Variants in ARID3B observed in about 807,000 individuals in gnomAD.
The protein encoded by ARID3B is AT-rich interaction domain 3B.
ARID3B carries 10 observed loss-of-function variants against 51.9 expected under a neutral mutation model. That is an observed-to-expected ratio of 0.19 (90% CI 0.12 to 0.33). ARID3B has a LOEUF of 0.33. Ranked by LOEUF, ARID3B falls within the 10% of genes least tolerant of loss-of-function variation. The pLI, the probability that ARID3B is intolerant of heterozygous loss-of-function variation, is 1.00. For synonymous variants in ARID3B, 205 were observed against 279.5 expected, an observed-to-expected ratio of 0.73 and a Z score of 2.66; for missense variants, 483 against 716.3, an observed-to-expected ratio of 0.67 and a Z score of 3.72.
In ARID3B at chr15:74,577,702, T is replaced by G. The variant is rs182777226; in HGVS notation, c.697+4498T>G. ...ACACTCAGCTAATTTTTCTGTTTTT[T>G]TGTGTGTGTGTGTGTGGAGACGAGG... On this transcript the variant is annotated intron_variant, in intron 4 of 8. Transcript: ENST00000346246. Among the ~76,000 whole-genome samples the G allele has an allele frequency of 8.9e-3, 1,353 of 151,564 alleles. 11 individuals are homozygous for G. The highest frequency in any genetic ancestry group is 0.012 in the Non-Finnish European group (808 of 67,858).
At chr15:74,584,652 T>C (rs751456470) in intron 4 of ARID3B, among the ~76,000 whole-genome samples, 4 of 152,016 alleles carry the variant, frequency 2.6e-5, no homozygotes, top group Admixed American at 6.5e-5. Flanking sequence ...CATCTTTGTC[T>C]CCAAAGCCAG....
intron 4 of ARID3B, among the ~76,000 whole-genome samples, chr15:74,578,997 G>C (rs2061748881): frequency 2.0e-5 from 3 of 152,230 alleles, no homozygotes; most frequent in Admixed American, 1.3e-4. Flanking sequence ...AGACACCCAG[G>C]TGGGCTGTGA....
chr15:74,568,006 G>T (rs2061705894), intron 2 of ARID3B, among the ~76,000 whole-genome samples: 1 of 152,194 alleles, frequency 6.6e-6, no homozygotes, highest in African/African-American at 2.4e-5. Context: ...CCATTCAGAG[G>T]TGTAGCCCTC....
intron 2 of ARID3B, among the ~76,000 whole-genome samples, chr15:74,544,689 CTTTTTTT>C (rs398057829): frequency 7.3e-6 from 1 of 136,640 alleles, no homozygotes; most frequent in Non-Finnish European, 1.6e-5. Flanking sequence ...ATATGTTACT[CTTTTTTT>C]TTTTTTTTTT....
chr15:74,588,629 A>G (rs2061790350), intron 4 of ARID3B, among the ~76,000 whole-genome samples: 1 of 152,148 alleles, frequency 6.6e-6, no homozygotes, highest in Non-Finnish European at 1.5e-5. Flanking sequence ...CCTCCAGATC[A>G]TTAATCCCGA....
rs1311096942 is a variant in ARID3B, at chr15:74,595,653, G to T, written c.1562G>T (p.Gly521Val). 4 of 1,613,452 alleles carry T rather than the reference G, an allele frequency of 2.5e-6. No homozygotes were observed. In the South Asian group the frequency reaches 4.4e-5, roughly 18 times the overall value. ...AAGCCTGTGGTCCACCTCATCACGG[G>T]GTCTGCTCCCCAGAGCCTCGGCAGC... ...AQKPVVHLIT[G>V]SAPQSLGSSA... Residue 521 changes from glycine to valine, a missense_variant, in exon 9 of 9, where the codon GGG (glycine) becomes GTG (valine). By Grantham distance (109) the Gly-to-Val change is moderately radical. Around this residue, in one of 3 missense-constraint regions of ARID3B, gnomAD observed 265 missense variants for 354.4 expected, o/e 0.75. Coordinates refer to ENST00000346246, the MANE Select transcript of ARID3B (RefSeq NM_006465.4).
intron 2 of ARID3B, among the ~76,000 whole-genome samples, chr15:74,548,706 G>C (rs2061624775): frequency 6.6e-6 from 1 of 152,194 alleles, no homozygotes; most frequent in African/African-American, 2.4e-5. Flanking sequence ...GCCGCTTGGG[G>C]CACCCTCAGC....
At chr15:74,544,598 G>T in intron 2 of ARID3B, 110 bp downstream of exon 2, 1 of 1,087,400 alleles carries the variant, frequency 9.2e-7, no homozygotes. Context: ...ACCCCACTTC[G>T]GTGACCAACA....
chr15:74,578,225 G>GT lies in ARID3B; in HGVS notation c.697+5022dup, dbSNP rs552507667. On this transcript the variant is annotated intron_variant, in intron 4 of 8. Coordinates refer to ENST00000346246, the MANE Select transcript of ARID3B (RefSeq NM_006465.4). ...GTCTCCCTCTGTAGCCCAGGCTGGAGTGTAGTGGCACCATCTCGGCTCACT... is the reference window on the plus strand; with the variant it reads ...GTCTCCCTCTGTAGCCCAGGCTGGAGTTGTAGTGGCACCATCTCGGCTCACT... 5.1e-3 allele frequency among the ~76,000 whole-genome samples: 771 copies of GT among 150,906 alleles called. 3 individuals are homozygous for GT. The highest frequency in any genetic ancestry group is 0.018 in the African/African-American group (745 of 40,978).
chr15:74,589,775 CTGA>C (rs771019958), intron 4 of ARID3B, 42 bp from the exon 5 acceptor site: 2 of 1,554,152 alleles, frequency 1.3e-6, no homozygotes, highest in African/African-American at 1.4e-5. Flanking sequence ...TCTTCTCAGC[CTGA>C]TGATGATCCC....
chr15:74,572,994 G>A, intron 3 of ARID3B, 61 bp downstream of exon 3: 1 of 1,600,740 alleles, frequency 6.2e-7, no homozygotes, highest in Non-Finnish European at 8.6e-7. Flanking sequence ...TGTTACAGCT[G>A]ATTCCCAAGA....
intron 2 of ARID3B, 128 bp downstream of exon 2, chr15:74,544,616 C>T (rs1219564658): frequency 1.3e-5 from 10 of 796,180 alleles, no homozygotes; most frequent in Non-Finnish European, 1.9e-5. Context: ...ACAGCCTAGA[C>T]ATGAATAGAC....
At position 74,598,080 on chromosome 15, in the gene ARID3B, T is replaced by A; in HGVS notation, c.*2306T>A. On this transcript the variant is annotated 3_prime_UTR_variant, in exon 9 of 9. Transcript: ENST00000346246. ...CTATATGTTGTGGTTATTTTCTATC[T>A]TACATGTTCTCGAATGTTTATATTT... 1.9e-6 allele frequency: 1 copy of A among 517,794 alleles called. No individual in the cohort carries two copies. The highest frequency in any genetic ancestry group is 4.1e-5 in the East Asian group (1 of 24,242). 32.1% of individuals were successfully genotyped at this position (517,794 alleles called of 1,614,324 possible).
intron 2 of ARID3B, among the ~76,000 whole-genome samples, chr15:74,565,735 T>G (rs1218755432): frequency 1.5e-5 from 2 of 130,588 alleles, no homozygotes; most frequent in Non-Finnish European, 3.4e-5. Context: ...GTTTTTTTTG[T>G]TTTTTTTTTT....
rs866624265 is a variant in ARID3B, at chr15:74,573,273, C to A, written c.697+69C>A. The A allele has an allele frequency of 4.0e-6, 6 of 1,498,672 alleles. No homozygotes were observed. In the African/African-American group the frequency reaches 8.3e-5, roughly 21 times the overall value. 92.8% of individuals were successfully genotyped at this position (1,498,672 alleles called of 1,614,324 possible). The stretch of plus-strand genomic sequence containing the variant: ...TAGAGTGCCTACTGTGTGCTAGTCA[C>A]TGTTAGACATCCTGGCCCACTAATC... On this transcript the variant is annotated intron_variant, in intron 4 of 8. Transcript: ENST00000346246.
chr15:74,546,185 C>T (rs751715588), intron 2 of ARID3B, among the ~76,000 whole-genome samples: 55 of 152,334 alleles, frequency 3.6e-4, no homozygotes, highest in Middle Eastern at 3.4e-3. Flanking sequence ...GCACCCTGGC[C>T]GCCAGCCCAG....
At chr15:74,571,286 C>T (rs1596257905) in intron 2 of ARID3B, among the ~76,000 whole-genome samples, 1 of 152,200 alleles carries the variant, frequency 6.6e-6, no homozygotes, top group East Asian at 1.9e-4. Context: ...GCTTTTATTT[C>T]GTTGACATGG....
In ARID3B at chr15:74,568,448, C is replaced by CT. The variant is rs528512822; in HGVS notation, c.553-4413dup. Among the ~76,000 whole-genome samples, 20 of 152,328 alleles carry CT rather than the reference C, an allele frequency of 1.3e-4. No homozygotes were observed. The East Asian group carries it at 3.7e-3, about 28-fold the overall frequency. ...ATCCTGGCACTGTCACTAAGAAGCT[C>CT]TGAGACCCTGAGCAGGTTATTTGAG... On this transcript the variant is annotated intron_variant, in intron 2 of 8. Transcript: ENST00000346246.
chr15:74,542,538 G>C lies in ARID3B; in HGVS notation c.-78+1208G>C, dbSNP rs564721737. 3.3e-5 allele frequency among the ~76,000 whole-genome samples: 5 copies of C among 152,228 alleles called. No homozygotes were observed. In the South Asian group the frequency reaches 6.2e-4, roughly 19 times the overall value. On this transcript the variant is annotated intron_variant, in intron 1 of 8. Transcript: ENST00000346246. ...TTGTACCCTTTTTTACTCTAACCTG[G>C]AAAAAATCTTAAATCCAAGCAGTTT...
Sources: gnomAD v4.1 joint callset for allele counts (sites outside exome capture counted in the v4.1 genomes callset) on GRCh38, gnomAD v4.1.1 for gene constraint, gnomAD v4.1.1 regional missense constraint, MANE v1.5 for transcripts, NCBI Gene and HGNC (gene_info 2026-07-23, HGNC 2026-07-21) for gene names.